IQCJ: variants seen among roughly 807,000 people sequenced by gnomAD.
IQCJ encodes IQ domain-containing protein J.
IQCJ carries 9 observed loss-of-function variants against 11.0 expected under a neutral mutation model. The ratio of observed to expected loss-of-function variants is 0.82; its 90% CI spans 0.49 to 1.43. The LOEUF (loss-of-function observed/expected upper bound fraction) is 1.43, where lower values mean the gene tolerates loss of function less well. Among genes scored for constraint, IQCJ ranks in the 40% most tolerant of loss-of-function variants. The probability of loss-of-function intolerance (pLI) is 0.00; values close to 1 mark genes in which losing one functional copy is unlikely to be tolerated. For missense variants in IQCJ, 146 were observed against 133.2 expected (o/e 1.10, Z -0.47); for synonymous variants, 55 against 51.3 (o/e 1.07, Z -0.31).
intron 1 of IQCJ, among the ~76,000 whole-genome samples, chr3:159,169,279 C>CTTTTTTTT (rs141888128): frequency 3.2e-4 from 18 of 56,352 alleles, no homozygotes; most frequent in South Asian, 9.2e-4. Context: ...TTCTTTCTTT[C>CTTTTTTTT]TTTTTTTTTT....
At chr3:159,163,477 G>A (rs913361724) in intron 1 of IQCJ, among the ~76,000 whole-genome samples, 1 of 152,032 alleles carries the variant, frequency 6.6e-6, no homozygotes, top group African/African-American at 2.4e-5. Context: ...ATACTGAATG[G>A]GCAAAAACTG....
intron 1 of IQCJ, among the ~76,000 whole-genome samples, chr3:159,148,401 C>T (rs77759555): frequency 0.029 from 4,405 of 152,272 alleles, 189 homozygotes; most frequent in African/African-American, 0.1. Flanking sequence ...TGTTCATTGG[C>T]ATGAGTAGTA....
rs61795161 is a variant in IQCJ at position 159,235,013 on chromosome 3, G to A, written c.10-10830G>A. ...GCCTGCACTTTTTTTTTGTGCTTTG[G>A]TGCAAGAAACCCAGAGTTGGTGTAT... On this transcript the variant is annotated intron_variant, in intron 1 of 3. Transcript: ENST00000397832. Among the ~76,000 whole-genome samples, 1,461 of 152,084 alleles carry A rather than the reference G, an allele frequency of 9.6e-3. 13 individuals are homozygous for A. Among genetic ancestry groups the A allele is most frequent in the African/African-American group, 0.014 (570 of 41,480 alleles).
At chr3:159,235,209 T>C (rs1726505993) in intron 1 of IQCJ, among the ~76,000 whole-genome samples, 1 of 152,236 alleles carries the variant, frequency 6.6e-6, no homozygotes, top group Non-Finnish European at 1.5e-5. Context: ...CTTGTGCCTA[T>C]ACCTATATTT....
chr3:159,111,241 A>G (rs976072641), intron 1 of IQCJ, among the ~76,000 whole-genome samples: 1 of 152,246 alleles, frequency 6.6e-6, no homozygotes, highest in African/African-American at 2.4e-5. Flanking sequence ...TTTGTTGTAG[A>G]CAAAGAAGTT....
intron 1 of IQCJ, among the ~76,000 whole-genome samples, chr3:159,118,654 G>C (rs1719170326): frequency 6.6e-6 from 1 of 152,154 alleles, no homozygotes; most frequent in Non-Finnish European, 1.5e-5. Flanking sequence ...TTTTAATAAT[G>C]AGCTATACTG....
chr3:159,090,735 C>A (rs763071034), intron 1 of IQCJ, among the ~76,000 whole-genome samples: 4 of 151,836 alleles, frequency 2.6e-5, no homozygotes, highest in Non-Finnish European at 5.9e-5. Context: ...GACAGCCAGG[C>A]CTCTCCCTTG....
At position 159,262,616 on chromosome 3, in the gene IQCJ, C is replaced by T. The variant is rs1374426107; in HGVS notation, c.224C>T (p.Pro75Leu). 1.9e-6 allele frequency: 3 copies of T among 1,613,852 alleles called. No homozygotes were observed. The highest frequency in any genetic ancestry group is 1.3e-5 in the African/African-American group (1 of 74,942). Reference protein sequence around the residue: ...EPLGKRSPSPPSVSSEKLSSS... With the variant: ...EPLGKRSPSPLSVSSEKLSSS... ...CTGGGGAAGAGGAGCCCGTCCCCAC[C>T]CTCTGTCTCCTCAGAGAAGCTGAGC... Residue 75 changes from proline (P) to leucine (L), a missense_variant, in exon 4 of 4, where the codon CCC becomes CTC. Physicochemically the swap from Pro to Leu is moderately conservative, Grantham distance 98. Coordinates refer to ENST00000397832, the MANE Select transcript of IQCJ (RefSeq NM_001042706.3).
chr3:159,157,910 C>G (rs943373160), intron 1 of IQCJ, among the ~76,000 whole-genome samples: 2 of 150,378 alleles, frequency 1.3e-5, no homozygotes, highest in Non-Finnish European at 3.0e-5. Flanking sequence ...AAATAATATT[C>G]CCATATGGTT....
chr3:159,140,624 G>A (rs1178755042), intron 1 of IQCJ, among the ~76,000 whole-genome samples: 2 of 152,204 alleles, frequency 1.3e-5, no homozygotes, highest in South Asian at 2.1e-4. Context: ...GGATAAAATA[G>A]GGGTTCTGAG....
downstream of IQCJ, chr3:159,265,114 C>T (rs1728426930): frequency 1.1e-6 from 1 of 928,600 alleles, no homozygotes; most frequent in Non-Finnish European, 1.6e-6. Flanking sequence ...TCTGGTTTGT[C>T]ACTTAGGTAA....
intron 1 of IQCJ, among the ~76,000 whole-genome samples, chr3:159,241,008 C>T (rs1726885965): frequency 6.6e-6 from 1 of 152,200 alleles, no homozygotes; most frequent in African/African-American, 2.4e-5. Context: ...TTTGTATTCA[C>T]TAGTCCTAGG....
chr3:159,075,301 C>T (rs61795964), intron 1 of IQCJ, among the ~76,000 whole-genome samples: 45,484 of 151,900 alleles, frequency 0.3, 7,508 homozygotes, highest in East Asian at 0.64. Context: ...GCAGGAAAAC[C>T]CTTGTAGGAA....
chr3:159,146,320 TA>T (rs372962323), intron 1 of IQCJ, among the ~76,000 whole-genome samples: 2 of 150,388 alleles, frequency 1.3e-5, no homozygotes, highest in Admixed American at 6.6e-5. Context: ...TAAATCCAAG[TA>T]AAAAAAAAGG....
intron 1 of IQCJ, among the ~76,000 whole-genome samples, chr3:159,244,179 G>A (rs920111755): frequency 6.6e-6 from 1 of 152,164 alleles, no homozygotes; most frequent in African/African-American, 2.4e-5. Flanking sequence ...TATCATATTC[G>A]AGTAGAAGAG....
intron 1 of IQCJ, among the ~76,000 whole-genome samples, chr3:159,181,401 ACTTGTTAAAAC>A (rs1723084190): frequency 7.1e-6 from 1 of 140,570 alleles, no homozygotes; most frequent in African/African-American, 2.7e-5. Context: ...CTTGGTTTTA[ACTTGTTAAAAC>A]CAAGTGAGTG....
At chr3:159,157,138 G>C (rs535483784) in intron 1 of IQCJ, among the ~76,000 whole-genome samples, 1 of 152,166 alleles carries the variant, frequency 6.6e-6, no homozygotes, top group Non-Finnish European at 1.5e-5. Context: ...ACAATGGCTG[G>C]ATAGTTGTGG....
chr3:159,172,597 A>AT (rs559042270), intron 1 of IQCJ, among the ~76,000 whole-genome samples: 64 of 152,238 alleles, frequency 4.2e-4, no homozygotes, highest in African/African-American at 1.5e-3. Flanking sequence ...AATAAAATTC[A>AT]TAAGAATCCT....
intron 3 of IQCJ, among the ~76,000 whole-genome samples, chr3:159,257,326 G>A (rs1333043513): frequency 6.6e-6 from 1 of 152,134 alleles, no homozygotes; most frequent in Non-Finnish European, 1.5e-5. Context: ...GTAACCCTGG[G>A]TGCATTATTT....
Sources: gnomAD v4.1 joint callset for allele counts (sites outside exome capture counted in the v4.1 genomes callset) on GRCh38, gnomAD v4.1.1 for gene constraint, MANE v1.5 for transcripts, NCBI Gene and HGNC (gene_info 2026-07-23, HGNC 2026-07-21) for gene names.